Variants in ZNF395 observed in about 807,000 individuals in gnomAD.
ZNF395 encodes the protein HD gene regulatory region-binding protein 2.
In ZNF395, 20 loss-of-function variants were observed where a neutral mutation model predicts 57.7. That is an observed-to-expected ratio of 0.35 (90% confidence interval 0.24 to 0.50). ZNF395 has a LOEUF of 0.50. Among genes scored for constraint, ZNF395 ranks in the 20% least tolerant of loss-of-function variants. The probability of loss-of-function intolerance (pLI) is 0.97; values close to 1 mark genes in which losing one functional copy is unlikely to be tolerated. For synonymous variants in ZNF395, 295 were observed against 275.9 expected (o/e 1.07, Z -0.69); for missense variants, 606 against 671.2 (o/e 0.90, Z 1.07).
chr8:28,357,796 T>C (rs1443263781), intron 3 of ZNF395, among the ~76,000 whole-genome samples: 1 of 152,234 alleles, frequency 6.6e-6, no homozygotes, highest in African/African-American at 2.4e-5. Flanking sequence ...CTGCTGTGTT[T>C]TTTCGCACTC....
intron 6 of ZNF395, 106 bp from the exon 7 acceptor site, chr8:28,351,913 C>T: frequency 1.5e-6 from 2 of 1,360,930 alleles, no homozygotes; most frequent in Non-Finnish European, 2.0e-6. Flanking sequence ...ACCCAGCAAG[C>T]CAGGGACGGA....
intron 1 of ZNF395, among the ~76,000 whole-genome samples, chr8:28,381,971 A>G (rs1423464605): frequency 1.3e-5 from 2 of 152,182 alleles, no homozygotes; most frequent in African/African-American, 4.8e-5. Context: ...GTGCACAGAA[A>G]TATCTCAGAT....
intron 1 of ZNF395, among the ~76,000 whole-genome samples, chr8:28,364,593 G>A (rs540137386): frequency 6.4e-4 from 97 of 150,986 alleles, no homozygotes; most frequent in African/African-American, 2.1e-3. Context: ...GGCAGAGGTT[G>A]CAGTGAGCTG....
At chr8:28,353,444 G>T in intron 4 of ZNF395, 36 bp from the exon 5 acceptor site, 1 of 1,448,250 alleles carries the variant, frequency 6.9e-7, no homozygotes. Flanking sequence ...GGACGCTCAC[G>T]GGCGTGTCCC....
In ZNF395 at chr8:28,351,945, C is replaced by T. The variant is rs117455471; in HGVS notation, c.921-138G>A. On this transcript the variant is annotated intron_variant, in intron 6 of 9. Transcript: ENST00000344423. ...CGGAGCCCAAGAGAACACCCAGGTG[C>T]CTCGCTCCTGACGGGTGTCACCAGG... is the stretch of plus-strand genomic sequence containing the variant. The T allele has an allele frequency of 9.0e-4, 855 of 954,932 alleles. 1 individual carries two copies. Among genetic ancestry groups the T allele is most frequent in the Admixed American group, 1.3e-3 (55 of 41,490 alleles). The allele number at this position is 954,932 out of a possible 1,614,324, so 59.2% of individuals were successfully genotyped here.
intron 1 of ZNF395, among the ~76,000 whole-genome samples, chr8:28,384,421 C>G (rs1802146138): frequency 6.6e-6 from 1 of 152,196 alleles, no homozygotes; most frequent in Non-Finnish European, 1.5e-5. Context: ...GTGACTGATC[C>G]CTGCCCACAA....
intron 3 of ZNF395, among the ~76,000 whole-genome samples, chr8:28,358,672 A>C (rs912060627): frequency 6.6e-6 from 1 of 152,176 alleles, no homozygotes; most frequent in Non-Finnish European, 1.5e-5. Flanking sequence ...CCCAGCCTCA[A>C]GCAATCTTCC....
chr8:28,367,803 A>G (rs1320943708), intron 1 of ZNF395, among the ~76,000 whole-genome samples: 1 of 152,236 alleles, frequency 6.6e-6, no homozygotes, highest in Non-Finnish European at 1.5e-5. Flanking sequence ...CTGATCTTCC[A>G]GCGGTAAGAA....
In ZNF395 at chr8:28,348,603, C is replaced by G. The variant is rs1364421945; in HGVS notation, c.*116G>C. On this transcript the variant is annotated 3_prime_UTR_variant, in exon 10 of 10. Transcript: ENST00000344423. ...GTGTTACACCTTAGCCAACAGAGCC[C>G]AAACTCCGTGTTTCCGTTCTTTCTC... 1.1e-6 allele frequency: 1 copy of G among 902,274 alleles called. No individual in the cohort carries two copies. Among genetic ancestry groups the G allele is most frequent in the African/African-American group, 1.6e-5 (1 of 61,640 alleles). The allele number at this position is 902,274 out of a possible 1,614,324, so 55.9% of individuals were successfully genotyped here.
At position 28,351,827 on chromosome 8, in the gene ZNF395, G is replaced by A. The variant is rs369565605; in HGVS notation, c.921-20C>T. The A allele has an allele frequency of 4.9e-5, 75 of 1,526,166 alleles. No individual in the cohort carries two copies. The highest frequency in any genetic ancestry group is 1.6e-4 in the South Asian group (13 of 80,584). The allele number at this position is 1,526,166 out of a possible 1,614,324, so 94.5% of individuals were successfully genotyped here. A position where few individuals can be genotyped will look rare whatever the true frequency, so the allele number is the denominator to read the frequency against. On this transcript the variant is annotated intron_variant, in intron 6 of 9. Transcript: ENST00000344423. ...GTGTCCCTGTGTGGGAGGGAGATGC[G>A]GTATAATCAGGGGCACCCTGCCCCC...
At position 28,347,963 on chromosome 8, in the gene ZNF395, T is replaced by C. The variant is rs1207256289; in HGVS notation, c.*756A>G. On this transcript the variant is annotated 3_prime_UTR_variant, in exon 10 of 10. Transcript: ENST00000344423. ...AGGAGAGAATGATCAAGGTAGTGTT[T>C]AACTGCCACATTCCAAAAAGTGAAT... 2.0e-5 allele frequency: 3 copies of C among 152,226 alleles called. No individual in the cohort carries two copies. The highest frequency in any genetic ancestry group is 4.4e-5 in the Non-Finnish European group (3 of 68,046). 9.4% of individuals were successfully genotyped at this position (152,226 alleles called of 1,614,324 possible). A position where few individuals can be genotyped will look rare whatever the true frequency, so the allele number is the denominator to read the frequency against.
intron 1 of ZNF395, among the ~76,000 whole-genome samples, chr8:28,384,577 T>C (rs1802148049): frequency 6.6e-6 from 1 of 152,196 alleles, no homozygotes; most frequent in Admixed American, 6.5e-5. Context: ...AATCATCTCT[T>C]ACACCTTCTG....
At chr8:28,350,764 C>T (rs1801672093) in intron 7 of ZNF395, among the ~76,000 whole-genome samples, 1 of 152,190 alleles carries the variant, frequency 6.6e-6, no homozygotes, top group African/African-American at 2.4e-5. Flanking sequence ...AACTAATTTG[C>T]AAATTGGCCC....
chr8:28,363,951 C>A (rs1268624032), intron 1 of ZNF395, among the ~76,000 whole-genome samples: 2 of 152,116 alleles, frequency 1.3e-5, no homozygotes, highest in Non-Finnish European at 2.9e-5. Context: ...CTTTAACTGG[C>A]CAGAATTCCA....
At chr8:28,349,957 C>T (rs1585849716) in intron 8 of ZNF395, 107 bp downstream of exon 8, 6 of 1,004,004 alleles carry the variant, frequency 6.0e-6, no homozygotes, top group Admixed American at 3.3e-5. Context: ...ATGGCCACAC[C>T]GACCTGTGGC....
At chr8:28,371,892 TAC>T (rs1314944413) in intron 1 of ZNF395, among the ~76,000 whole-genome samples, 2 of 151,960 alleles carry the variant, frequency 1.3e-5, no homozygotes, top group African/African-American at 4.8e-5. Context: ...CTACTAAAAA[TAC>T]AAAAGTTACC....
At chr8:28,363,012 C>G (rs1801868499) in intron 1 of ZNF395, among the ~76,000 whole-genome samples, 1 of 152,008 alleles carries the variant, frequency 6.6e-6, no homozygotes, top group East Asian at 1.9e-4. Flanking sequence ...CAATAACACT[C>G]TCGCTGAAAG....
chr8:28,350,071 A>C lies in ZNF395; in HGVS notation c.1319T>G (p.Leu440Arg). 1 of 1,601,418 alleles carries C rather than the reference A, an allele frequency of 6.2e-7. No individual in the cohort carries two copies. Reference sequence around the variant, plus strand: ...TGCTGCCCGCACACTCACCGGAGAGAGAGAGCAGGCGGCGGAGGGGGCAGC... The same window carrying C: ...TGCTGCCCGCACACTCACCGGAGAGCGAGAGCAGGCGGCGGAGGGGGCAGC... ...WAAAPSAACS[L>R]SPVRSRSLSF... Residue 440 changes from leucine (L) to arginine (R), a missense_variant, in exon 8 of 10, where the codon CTC (leucine) becomes CGC (arginine). Physicochemically the swap from Leu to Arg is moderately radical, Grantham distance 102 (BLOSUM62 -2). Around this residue, in one of 3 missense-constraint regions of ZNF395, gnomAD observed 261 missense variants for 240.3 expected, o/e 1.09. Coordinates refer to ENST00000344423, the MANE Select transcript of ZNF395 (RefSeq NM_018660.3).
chr8:28,365,984 C>T lies in ZNF395; in HGVS notation c.-58-4802G>A, dbSNP rs766994317. Reference sequence around the variant, plus strand: ...TTGTGTGCGTGCACACACACACGCACGGTGGCTGTGCTCTCCTACCACCCA... The same window carrying T: ...TTGTGTGCGTGCACACACACACGCATGGTGGCTGTGCTCTCCTACCACCCA... On this transcript the variant is annotated intron_variant, in intron 1 of 9. Transcript: ENST00000344423. Among the ~76,000 whole-genome samples the T allele has an allele frequency of 2.6e-5, 4 of 152,320 alleles. No homozygotes were observed. The South Asian group carries it at 6.2e-4, about 24-fold the overall frequency.
Sources: allele counts gnomAD v4.1 joint callset (sites outside exome capture counted in the v4.1 genomes callset), GRCh38; gene constraint gnomAD v4.1.1; regional missense constraint gnomAD v4.1.1; transcripts MANE v1.5; gene names NCBI Gene and HGNC (gene_info 2026-07-23, HGNC 2026-07-21).